CSMD1: variants seen among roughly 807,000 people sequenced by gnomAD.
CSMD1 encodes the protein CUB and sushi domain-containing protein 1.
Under a neutral mutation model 417.5 loss-of-function variants are expected in CSMD1, and 213 were observed. That is an observed-to-expected ratio of 0.51 (90% CI 0.46 to 0.57). CSMD1 has a LOEUF of 0.57. Among genes scored for constraint, CSMD1 ranks in the 20% least tolerant of loss-of-function variants. CSMD1 has a pLI of 0.00. For synonymous variants in CSMD1, 2,862 were observed against 1,736.8 expected, an observed-to-expected ratio of 1.65 and a Z score of -16.11; for missense variants, 6,923 against 4,529.7, an observed-to-expected ratio of 1.53 and a Z score of -15.17.
intron 3 of CSMD1, among the ~76,000 whole-genome samples, chr8:4,334,946 A>G (rs141345559): frequency 6.6e-6 from 1 of 152,096 alleles, no homozygotes; most frequent in Non-Finnish European, 1.5e-5. Context: ...TTTTTGCTAC[A>G]TCCTCACATG....
At chr8:4,047,163 G>A (rs1055252742) in intron 3 of CSMD1, among the ~76,000 whole-genome samples, 4 of 152,170 alleles carry the variant, frequency 2.6e-5, no homozygotes, top group Non-Finnish European at 5.9e-5. Flanking sequence ...CCGTGAGCCT[G>A]ACCTATCTGA....
intron 5 of CSMD1, among the ~76,000 whole-genome samples, chr8:3,884,649 C>A (rs776054814): frequency 6.6e-6 from 1 of 152,016 alleles, no homozygotes; most frequent in East Asian, 1.9e-4. Context: ...TAATGTTGAC[C>A]AATAAATTCT....
chr8:4,725,590 G>C (rs947690629), intron 1 of CSMD1, among the ~76,000 whole-genome samples: 2 of 152,056 alleles, frequency 1.3e-5, no homozygotes, highest in African/African-American at 2.4e-5. Flanking sequence ...AGCAACATGG[G>C]GCGCGTCTCA....
intron 1 of CSMD1, among the ~76,000 whole-genome samples, chr8:4,958,771 T>C (rs1385084028): frequency 6.6e-6 from 1 of 152,168 alleles, no homozygotes; most frequent in Non-Finnish European, 1.5e-5. Context: ...TGTTTCAAAC[T>C]AGAAGTGAAA....
At chr8:4,401,254 T>C (rs569517979) in intron 3 of CSMD1, among the ~76,000 whole-genome samples, 3 of 152,242 alleles carry the variant, frequency 2.0e-5, no homozygotes, top group South Asian at 2.1e-4. Context: ...ATTTAAAATA[T>C]TAGATATATG....
At chr8:4,739,117 C>T (rs927260389) in intron 1 of CSMD1, among the ~76,000 whole-genome samples, 9 of 152,208 alleles carry the variant, frequency 5.9e-5, no homozygotes, top group Admixed American at 2.0e-4. Context: ...TGCACACACA[C>T]ATACATGTGA....
At chr8:3,634,754 G>T (rs529611574) in intron 7 of CSMD1, among the ~76,000 whole-genome samples, 8 of 151,970 alleles carry the variant, frequency 5.3e-5, no homozygotes, top group African/African-American at 1.9e-4. Context: ...AAGGCACACA[G>T]TTTGATTGCT....
At chr8:4,151,698 C>T (rs1329577128) in intron 3 of CSMD1, among the ~76,000 whole-genome samples, 3 of 152,124 alleles carry the variant, frequency 2.0e-5, no homozygotes, top group African/African-American at 7.2e-5. Flanking sequence ...AACTGATTTC[C>T]TCAAGCTCAC....
chr8:4,488,483 G>T (rs530837363), intron 2 of CSMD1, among the ~76,000 whole-genome samples: 1 of 152,052 alleles, frequency 6.6e-6, no homozygotes, highest in Non-Finnish European at 1.5e-5. Flanking sequence ...TAAACTAGTG[G>T]TGACAGTAGT....
At chr8:3,299,025 C>T (rs1804180932) in intron 25 of CSMD1, among the ~76,000 whole-genome samples, 1 of 152,118 alleles carries the variant, frequency 6.6e-6, no homozygotes, top group South Asian at 2.1e-4. Context: ...TGGAAAATGT[C>T]TCATGACTCC....
At position 4,341,884 on chromosome 8, in the gene CSMD1, C is replaced by G. The variant is rs142333052; in HGVS notation, c.415+78069G>C. On this transcript the variant is annotated intron_variant, in intron 3 of 69. Coordinates refer to ENST00000635120, the MANE Select transcript of CSMD1 (RefSeq NM_033225.6). ...CCACAGCTGATGTTAACCTTCCACA[C>G]CACTAACTTTCTGATTACTCATTAT... Among the ~76,000 whole-genome samples, 546 of 152,186 alleles carry G rather than the reference C, an allele frequency of 3.6e-3. 4 individuals carry two copies. Among genetic ancestry groups the G allele is most frequent in the South Asian group, 4.6e-3 (22 of 4,830 alleles).
chr8:4,729,081 G>C (rs293880), intron 1 of CSMD1, among the ~76,000 whole-genome samples: 2 of 152,090 alleles, frequency 1.3e-5, no homozygotes, highest in Non-Finnish European at 2.9e-5. Flanking sequence ...ACACTTGGAT[G>C]TTCAGCCCTA....
At chr8:3,373,114 T>C (rs931282557) in intron 18 of CSMD1, among the ~76,000 whole-genome samples, 2 of 152,244 alleles carry the variant, frequency 1.3e-5, no homozygotes, top group African/African-American at 4.8e-5. Context: ...TATCCCAAAA[T>C]CTGCATGTTA....
chr8:4,062,368 C>T (rs1799020572), intron 3 of CSMD1, among the ~76,000 whole-genome samples: 1 of 151,970 alleles, frequency 6.6e-6, no homozygotes, highest in African/African-American at 2.4e-5. Context: ...TTGACAATGG[C>T]TTTTTCTCAA....
intron 25 of CSMD1, among the ~76,000 whole-genome samples, chr8:3,289,804 T>G (rs899430562): frequency 6.1e-5 from 9 of 147,516 alleles, no homozygotes; most frequent in Non-Finnish European, 1.0e-4. Context: ...GTAGTTTCTT[T>G]TGCTGTGCAG....
At chr8:4,806,804 T>A (rs919772004) in intron 1 of CSMD1, among the ~76,000 whole-genome samples, 3 of 152,096 alleles carry the variant, frequency 2.0e-5, no homozygotes, top group Non-Finnish European at 2.9e-5. Flanking sequence ...TAAATTCTCA[T>A]GCTATGAATT....
At chr8:3,961,802 T>C (rs116444399) in intron 5 of CSMD1, among the ~76,000 whole-genome samples, 2 of 152,312 alleles carry the variant, frequency 1.3e-5, no homozygotes, top group East Asian at 3.9e-4. Flanking sequence ...GTTTTTAATA[T>C]TTCCCGCTAG....
chr8:3,972,792 A>C (rs746861792), intron 5 of CSMD1, among the ~76,000 whole-genome samples: 5 of 152,212 alleles, frequency 3.3e-5, no homozygotes, highest in African/African-American at 7.2e-5. Context: ...CATTTTAGGA[A>C]TCTATTTTAT....
chr8:4,550,383 A>C (rs1314978360), intron 2 of CSMD1, among the ~76,000 whole-genome samples: 1 of 151,870 alleles, frequency 6.6e-6, no homozygotes, highest in Non-Finnish European at 1.5e-5. Context: ...TAGATGGCAT[A>C]GAAAGCTGAA....
Sources: allele counts gnomAD v4.1 joint callset (sites outside exome capture counted in the v4.1 genomes callset), GRCh38; gene constraint gnomAD v4.1.1; transcripts MANE v1.5; gene names NCBI Gene and HGNC (gene_info 2026-07-23, HGNC 2026-07-21).